The following CSMD1 variants were observed in gnomAD, a reference collection of about 807,000 sequenced individuals.
CSMD1 encodes CUB and Sushi multiple domains 1, also known as CUB and sushi domain-containing protein 1.
In CSMD1, 213 loss-of-function variants were observed where a neutral mutation model predicts 417.5. The observed-to-expected ratio is 0.51, with a 90% CI of 0.46 to 0.57. CSMD1 has a LOEUF of 0.57. Ranked by LOEUF, CSMD1 falls within the 20% of genes least tolerant of loss-of-function variation. The pLI, the probability that CSMD1 is intolerant of heterozygous loss-of-function variation, is 0.00. For missense variants in CSMD1, 6,923 were observed against 4,529.7 expected, an observed-to-expected ratio of 1.53 and a Z score of -15.17; for synonymous variants, 2,862 against 1,736.8, an observed-to-expected ratio of 1.65 and a Z score of -16.11.
At position 3,620,856 on chromosome 8, in the gene CSMD1, G is replaced by A. The variant is rs564143407; in HGVS notation, c.1010-4059C>T. On this transcript the variant is annotated intron_variant, in intron 7 of 69. Transcript: ENST00000635120. The stretch of plus-strand genomic sequence containing the variant: ...TAAATATAAATTGATTTAACGCCCT[G>A]TTTTAGGCTGAATTATGTCCCTCCT... 5.3e-5 allele frequency among the ~76,000 whole-genome samples: 8 copies of A among 152,240 alleles called. No individual in the cohort carries two copies. The East Asian group carries it at 1.5e-3, about 29-fold the overall frequency.
At chr8:4,529,360 A>C (rs964465669) in intron 2 of CSMD1, among the ~76,000 whole-genome samples, 11 of 152,228 alleles carry the variant, frequency 7.2e-5, no homozygotes, top group Non-Finnish European at 1.5e-4. Context: ...GCAGGCATTA[A>C]TATGTTTGCT....
At chr8:3,238,470 A>C (rs1346593912) in intron 26 of CSMD1, among the ~76,000 whole-genome samples, 1 of 152,014 alleles carries the variant, frequency 6.6e-6, no homozygotes, top group Admixed American at 6.6e-5. Context: ...GGGACGGCAA[A>C]AATTTTTGGG....
chr8:4,316,617 C>T (rs1011178596), intron 3 of CSMD1, among the ~76,000 whole-genome samples: 3 of 151,838 alleles, frequency 2.0e-5, no homozygotes, highest in East Asian at 3.9e-4. Flanking sequence ...CAGAGACACC[C>T]GTGACAGAAG....
chr8:3,449,630 G>A (rs1178702406), intron 12 of CSMD1, among the ~76,000 whole-genome samples: 2 of 151,848 alleles, frequency 1.3e-5, no homozygotes, highest in African/African-American at 4.8e-5. Flanking sequence ...CAATACTCCT[G>A]CCTCAGCCTC....
At chr8:4,280,443 C>T (rs1422182341) in intron 3 of CSMD1, among the ~76,000 whole-genome samples, 1 of 152,280 alleles carries the variant, frequency 6.6e-6, no homozygotes. Context: ...CGACCGGATA[C>T]CAATCTGAGC....
chr8:4,054,869 T>C (rs1051023893), intron 3 of CSMD1, among the ~76,000 whole-genome samples: 2 of 152,156 alleles, frequency 1.3e-5, no homozygotes, highest in Non-Finnish European at 2.9e-5. Flanking sequence ...TATTGAAATG[T>C]TCTGTGACAT....
chr8:4,603,154 A>G (rs1409407702), intron 2 of CSMD1, among the ~76,000 whole-genome samples: 2 of 152,092 alleles, frequency 1.3e-5, no homozygotes, highest in African/African-American at 4.8e-5. Context: ...TATATTAATT[A>G]CTTTAAGAAA....
chr8:4,116,774 T>C (rs748249349), intron 3 of CSMD1, among the ~76,000 whole-genome samples: 4 of 151,944 alleles, frequency 2.6e-5, no homozygotes, highest in Non-Finnish European at 4.4e-5. Context: ...GGAAACTCTA[T>C]AGTCTGTTCG....
At chr8:4,838,142 G>T (rs774376148) in intron 1 of CSMD1, among the ~76,000 whole-genome samples, 22 of 152,114 alleles carry the variant, frequency 1.4e-4, no homozygotes, top group Non-Finnish European at 3.1e-4. Context: ...AAGCAAGGGG[G>T]AAATATAGCT....
At position 3,029,380 on chromosome 8, in the gene CSMD1, C is replaced by A. The variant is rs767792423; in HGVS notation, c.7794G>T (p.Arg2598Ser). The change falls in exon 51 of 70, where the codon AGG becomes AGT. Residue 2598 changes from arginine (R) to serine (S), a missense_variant. Physicochemically the swap from Arg to Ser is moderately radical, Grantham distance 110. Transcript: ENST00000635120. ...CSPGYYLEGW[R>S]LLRCQANGTW... The stretch of plus-strand genomic sequence containing the variant: ...TCCCATTGGCCTGGCACCGCAGGAG[C>A]CTCCAGCCTTCTAAGTAGTAACCAG... 6.2e-7 allele frequency: 1 copy of A among 1,611,734 alleles called. No homozygotes were observed.
intron 57 of CSMD1, among the ~76,000 whole-genome samples, chr8:2,968,263 G>C (rs1351796785): frequency 2.0e-5 from 3 of 152,224 alleles, no homozygotes; most frequent in African/African-American, 7.2e-5. Flanking sequence ...CTAATGGAAA[G>C]CCTGTCACAG....
rs7465132 is a variant in CSMD1, at chr8:3,723,579, C to G, written c.932-15088G>C. Among the ~76,000 whole-genome samples the G allele has an allele frequency of 5.9e-5, 9 of 152,082 alleles. No individual in the cohort carries two copies. In the East Asian group the frequency reaches 1.7e-3, roughly 30 times the overall value. On this transcript the variant is annotated intron_variant, in intron 6 of 69. Coordinates refer to ENST00000635120, the MANE Select transcript of CSMD1 (RefSeq NM_033225.6). Reference sequence around the variant, plus strand: ...GTTACCTAAACAATTATTAGATAGTCTTTTTGCCAATGATGAAATTCGGGT... The same window carrying G: ...GTTACCTAAACAATTATTAGATAGTGTTTTTGCCAATGATGAAATTCGGGT...
chr8:4,700,856 G>A (rs1807483870), intron 1 of CSMD1, among the ~76,000 whole-genome samples: 1 of 152,134 alleles, frequency 6.6e-6, no homozygotes, highest in South Asian at 2.1e-4. Context: ...AAGAAAGGAT[G>A]AAGAACAATA....
intron 8 of CSMD1, among the ~76,000 whole-genome samples, chr8:3,597,858 G>C (rs567363066): frequency 6.6e-6 from 1 of 152,112 alleles, no homozygotes; most frequent in Admixed American, 6.5e-5. Context: ...CTAGGGGAGG[G>C]ATAGCATTAG....
chr8:4,829,939 G>C (rs1563521904), intron 1 of CSMD1, among the ~76,000 whole-genome samples: 2 of 152,060 alleles, frequency 1.3e-5, no homozygotes, highest in South Asian at 2.1e-4. Flanking sequence ...TTCTGATGTA[G>C]AAAGAAAACA....
chr8:3,736,746 C>G lies in CSMD1; in HGVS notation c.931+17184G>C, dbSNP rs570606249. On this transcript the variant is annotated intron_variant, in intron 6 of 69. Transcript: ENST00000635120. ...CTGCCTGGCTTCAAATTCACCTTTA[C>G]CAATCATTAGGTGTGTCGTTTTGCC... is the stretch of plus-strand genomic sequence containing the variant. Among the ~76,000 whole-genome samples, 58 of 152,324 alleles carry G rather than the reference C, an allele frequency of 3.8e-4. No homozygotes were observed. The South Asian group carries it at 0.01, about 27-fold the overall frequency.
intron 2 of CSMD1, among the ~76,000 whole-genome samples, chr8:4,478,397 G>A (rs1197328669): frequency 1.3e-5 from 2 of 152,076 alleles, no homozygotes; most frequent in African/African-American, 4.8e-5. Context: ...CCAAAGTATT[G>A]AAATACTTTG....
At chr8:4,071,050 T>G (rs949141223) in intron 3 of CSMD1, among the ~76,000 whole-genome samples, 1 of 152,210 alleles carries the variant, frequency 6.6e-6, no homozygotes, top group Non-Finnish European at 1.5e-5. Context: ...TGAAGCAGTT[T>G]GGCTGTGGTG....
chr8:4,787,337 G>T, intron 1 of CSMD1: 1 of 731,976 alleles, frequency 1.4e-6, no homozygotes, highest in Non-Finnish European at 2.5e-6. Context: ...GGATAATGGC[G>T]ACAGCTGAGG....
Sources: allele counts gnomAD v4.1 joint callset (sites outside exome capture counted in the v4.1 genomes callset), GRCh38; gene constraint gnomAD v4.1.1; transcripts MANE v1.5; gene names NCBI Gene and HGNC (gene_info 2026-07-23, HGNC 2026-07-21).